RAB11FIP2: variants seen among roughly 807,000 people sequenced by gnomAD.
RAB11FIP2 encodes the protein rab11 family-interacting protein 2.
RAB11FIP2 carries 16 observed loss-of-function variants against 40.9 expected under a neutral mutation model. The observed-to-expected ratio is 0.39, with a 90% CI of 0.26 to 0.59. The LOEUF (loss-of-function observed/expected upper bound fraction) is 0.59, where lower values mean the gene tolerates loss of function less well. Among genes scored for constraint, RAB11FIP2 ranks in the 20% least tolerant of loss-of-function variants. The pLI is 0.53. For synonymous variants in RAB11FIP2, 228 were observed against 213.7 expected (o/e 1.07, Z -0.58); for missense variants, 532 against 606.2 (o/e 0.88, Z 1.28).
At position 118,007,062 on chromosome 10, in the gene RAB11FIP2, T is replaced by A. The variant is rs1846098370; in HGVS notation, c.*1936A>T. On this transcript the variant is annotated 3_prime_UTR_variant, in exon 5 of 5. Coordinates refer to ENST00000355624, the MANE Select transcript of RAB11FIP2 (RefSeq NM_014904.3). Reference sequence around the variant, plus strand: ...CTGTCATAATACTGAAAACATAGATTTTCACATTTTAAGAAGTGTATGAAA... The same window carrying A: ...CTGTCATAATACTGAAAACATAGATATTCACATTTTAAGAAGTGTATGAAA... 6.6e-6 allele frequency: 1 copy of A among 152,232 alleles called. No homozygotes were observed. Among genetic ancestry groups the A allele is most frequent in the Non-Finnish European group, 1.5e-5 (1 of 67,872 alleles). 9.4% of individuals were successfully genotyped at this position (152,232 alleles called of 1,614,324 possible). A position where few individuals can be genotyped will look rare whatever the true frequency, so the allele number is the denominator to read the frequency against.
intron 3 of RAB11FIP2, among the ~76,000 whole-genome samples, chr10:118,024,362 C>A (rs947260235): frequency 2.0e-5 from 3 of 151,960 alleles, no homozygotes; most frequent in African/African-American, 7.3e-5. Context: ...TATTTTCTCC[C>A]TGTATCTTTA....
At chr10:118,045,267 T>C (rs1846613364) in intron 1 of RAB11FIP2, 1 of 152,616 alleles carries the variant, frequency 6.6e-6, no homozygotes, top group African/African-American at 2.4e-5. Flanking sequence ...CTTTTTTTTT[T>C]TCTAACAGGT....
intron 3 of RAB11FIP2, 35 bp downstream of exon 3, chr10:118,038,937 C>G: frequency 1.4e-6 from 2 of 1,396,170 alleles, no homozygotes; most frequent in Non-Finnish European, 1.9e-6. Context: ...ACAAGATTTT[C>G]CCAAATAGTA....
chr10:118,032,236 A>G (rs1281518878), intron 3 of RAB11FIP2, among the ~76,000 whole-genome samples: 1 of 152,092 alleles, frequency 6.6e-6, no homozygotes, highest in Non-Finnish European at 1.5e-5. Context: ...CATGGGTAGC[A>G]TACAAATAGA....
intron 4 of RAB11FIP2, among the ~76,000 whole-genome samples, chr10:118,009,634 A>G (rs1846133154): frequency 6.6e-6 from 1 of 152,304 alleles, no homozygotes; most frequent in East Asian, 1.9e-4. Context: ...TGTCCTTATG[A>G]AACTGCTTCC....
chr10:118,014,945 G>T, intron 4 of RAB11FIP2, 120 bp downstream of exon 4: 1 of 780,026 alleles, frequency 1.3e-6, no homozygotes, highest in Non-Finnish European at 2.1e-6. Flanking sequence ...ACTACGCTAA[G>T]CTACAATTCT....
rs1429011516 is a variant in RAB11FIP2 at position 118,006,982 on chromosome 10, TCA to T, written c.*2014_*2015del. 1 of 152,434 alleles carries T rather than the reference TCA, an allele frequency of 6.6e-6. No individual in the cohort carries two copies. The highest frequency in any genetic ancestry group is 1.5e-5 in the Non-Finnish European group (1 of 67,930). The allele number at this position is 152,434 out of a possible 1,614,324, so 9.4% of individuals were successfully genotyped here. On this transcript the variant is annotated 3_prime_UTR_variant, in exon 5 of 5. Coordinates refer to ENST00000355624, the MANE Select transcript of RAB11FIP2 (RefSeq NM_014904.3). ...CCCAATACAAAACTGACATCTTGGTTCACTCTATAAACAGCAAATTTGGCCAA... is the reference window on the plus strand; with the variant it reads ...CCCAATACAAAACTGACATCTTGGTTCTCTATAAACAGCAAATTTGGCCAA...
intron 1 of RAB11FIP2, among the ~76,000 whole-genome samples, chr10:118,044,298 T>A (rs1429304090): frequency 6.6e-6 from 1 of 152,206 alleles, no homozygotes; most frequent in East Asian, 1.9e-4. Context: ...ATTAAAGTAC[T>A]ATAAATGAAG....
chr10:118,024,086 T>A (rs1846312319), intron 3 of RAB11FIP2, among the ~76,000 whole-genome samples: 1 of 139,460 alleles, frequency 7.2e-6, no homozygotes, highest in African/African-American at 2.6e-5. Flanking sequence ...TGAGACTCTG[T>A]CTTAAAAAAA....
chr10:118,038,673 C>G (rs1273782635), intron 3 of RAB11FIP2, among the ~76,000 whole-genome samples: 2 of 152,036 alleles, frequency 1.3e-5, no homozygotes, highest in Admixed American at 6.6e-5. Flanking sequence ...TGGCAATTCA[C>G]TCTCGCCATG....
chr10:118,023,570 T>G (rs1023378462), intron 3 of RAB11FIP2, among the ~76,000 whole-genome samples: 1 of 152,156 alleles, frequency 6.6e-6, no homozygotes, highest in South Asian at 2.1e-4. Flanking sequence ...CTTATTAATA[T>G]TCTCATGGGG....
Position 118,015,126 on chromosome 10 carries a change from C to A in RAB11FIP2, c.1266-16G>T. 6.3e-7 allele frequency: 1 copy of A among 1,595,400 alleles called. No homozygotes were observed. The highest frequency in any genetic ancestry group is 1.7e-5 in the Admixed American group (1 of 58,168). On this transcript the variant is annotated splice_polypyrimidine_tract_variant and intron_variant, in intron 3 of 4. Transcript: ENST00000355624. ...CATATGAAAACTAATAAAACACAAA[C>A]AAATGTTAAAAGTGTCATAACTCAT...
chr10:118,017,595 GA>G (rs1197564336), intron 3 of RAB11FIP2: 1 of 152,214 alleles, frequency 6.6e-6, no homozygotes. Flanking sequence ...GGGTCGGCAG[GA>G]GCCCATAAAG....
At chr10:118,035,898 A>G (rs1416631604) in intron 3 of RAB11FIP2, among the ~76,000 whole-genome samples, 2 of 152,090 alleles carry the variant, frequency 1.3e-5, no homozygotes, top group Admixed American at 6.6e-5. Context: ...AAGTGTTTCA[A>G]AGAGCCCTGC....
Position 118,039,430 on chromosome 10 carries a change from T to C in RAB11FIP2, c.807A>G (p.Lys269=), listed in dbSNP as rs1162975955. The stretch of plus-strand genomic sequence containing the variant: ...AGCTTAATGTTCTTCTGTGTGGAGA[T>C]TTGAGACTTCCTACAAACAATTTTG... ...FGTVPESGSL[K]SPHRRTLSFD... The change falls in exon 3 of 5, where the codon AAA becomes AAG. Residue 269 remains lysine (K), a synonymous_variant. Transcript: ENST00000355624. 2.5e-6 allele frequency: 4 copies of C among 1,610,572 alleles called. No homozygotes were observed. The highest frequency in any genetic ancestry group is 3.4e-6 in the Non-Finnish European group (4 of 1,177,880).
Position 118,040,474 on chromosome 10 carries a change from C to T in RAB11FIP2, c.445G>A (p.Ala149Thr), listed in dbSNP as rs184789070. The change falls in exon 2 of 5, where the codon GCA becomes ACA. Residue 149 changes from alanine (A) to threonine (T), a missense_variant. Ala to Thr is a moderately conservative substitution (Grantham distance 58). Transcript: ENST00000355624. ...TTCATTGATAAGTCAAACATACTTG[C>T]GGTCATATTGTTCCTCATAAACTGA... ...NIQFMRNNMT[A>T]SMFDLSMKDK... 7.4e-6 allele frequency: 12 copies of T among 1,612,748 alleles called. No homozygotes were observed. The East Asian group carries it at 1.8e-4, about 24-fold the overall frequency.
intron 3 of RAB11FIP2, among the ~76,000 whole-genome samples, chr10:118,027,385 G>C (rs1482667257): frequency 6.6e-6 from 1 of 152,196 alleles, no homozygotes; most frequent in Non-Finnish European, 1.5e-5. Flanking sequence ...ACTGAAAGAA[G>C]TGAATCAAAT....
chr10:118,029,241 A>G (rs967673309), intron 3 of RAB11FIP2, among the ~76,000 whole-genome samples: 2 of 152,126 alleles, frequency 1.3e-5, no homozygotes, highest in Non-Finnish European at 2.9e-5. Flanking sequence ...CCTACCCAAA[A>G]GCAGAATGGG....
At position 118,046,035 on chromosome 10, in the gene RAB11FIP2, G is replaced by T. The variant is rs1846627891; in HGVS notation, c.129C>A (p.Gly43=). 1.2e-6 allele frequency: 2 copies of T among 1,614,030 alleles called. No homozygotes were observed. Among genetic ancestry groups the T allele is most frequent in the African/African-American group, 2.7e-5 (2 of 74,902 alleles). The change falls in exon 1 of 5, where the codon GGC becomes GGA. Residue 43 remains glycine, a synonymous_variant. Transcript: ENST00000355624. ...CTACAGAGGTGGAGTACTTTTCCTT[G>T]CCCAGCTGAATTATAGTGTATGTGT... is the stretch of plus-strand genomic sequence containing the variant. ...TNDTYTIIQL[G]KEKYSTSVAE...
Sources: gnomAD v4.1 joint callset for allele counts (sites outside exome capture counted in the v4.1 genomes callset) on GRCh38, gnomAD v4.1.1 for gene constraint, MANE v1.5 for transcripts, NCBI Gene and HGNC (gene_info 2026-07-23, HGNC 2026-07-21) for gene names.